Variants in PCBP3 observed in about 807,000 individuals in gnomAD.
PCBP3 encodes the protein poly(rC)-binding protein 3.
A neutral mutation model predicts 52.7 loss-of-function variants in PCBP3; 25 were observed. The observed-to-expected ratio is 0.47, with a 90% CI of 0.35 to 0.66. The LOEUF (loss-of-function observed/expected upper bound fraction) is 0.66. PCBP3 is among the 30% of genes least tolerant of loss of function. The pLI, the probability that PCBP3 is intolerant of heterozygous loss-of-function variation, is 0.01. For missense variants in PCBP3, 391 were observed against 490.3 expected (o/e 0.80, Z 1.91); for synonymous variants, 162 against 183.0 (o/e 0.89, Z 0.93).
Position 45,898,591 on chromosome 21 carries a change from C to G in PCBP3, c.166-1008C>G, listed in dbSNP as rs1290564482. ...CGCCATCCTCACAGCCTCCCTCTCC[C>G]TCCACGGGCCCCTCTACACACCGTC... On this transcript the variant is annotated intron_variant, in intron 6 of 17. Coordinates refer to ENST00000681687, the MANE Select transcript of PCBP3 (RefSeq NM_001384156.1). 2.0e-4 allele frequency among the ~76,000 whole-genome samples: 28 copies of G among 138,426 alleles called. 2 individuals are homozygous for G. The highest frequency in any genetic ancestry group is 7.9e-4 in the East Asian group (3 of 3,790). 90.8% of individuals were successfully genotyped at this position (138,426 alleles called of 152,430 possible).
At chr21:45,882,244 T>C (rs2095421385) in intron 5 of PCBP3, among the ~76,000 whole-genome samples, 1 of 152,216 alleles carries the variant, frequency 6.6e-6, no homozygotes, top group Admixed American at 6.5e-5. Context: ...CGATATCCCA[T>C]TGTGGTTTGA....
chr21:45,872,971 G>A (rs577612200), intron 5 of PCBP3: 2 of 152,282 alleles, frequency 1.3e-5, no homozygotes, highest in East Asian at 3.9e-4. Flanking sequence ...TTTCTGTCTA[G>A]GTAGAAGCTG....
intron 4 of PCBP3, among the ~76,000 whole-genome samples, chr21:45,812,373 A>G (rs750415520): frequency 9.2e-5 from 14 of 152,148 alleles, no homozygotes; most frequent in Non-Finnish European, 2.1e-4. Flanking sequence ...ATCTGGCATC[A>G]TTTTCTTCAG....
chr21:45,677,868 G>A (rs1373367057), intron 2 of PCBP3, among the ~76,000 whole-genome samples: 1 of 152,170 alleles, frequency 6.6e-6, no homozygotes, highest in Non-Finnish European at 1.5e-5. Flanking sequence ...GAGACCTGCT[G>A]CCCAGAAAAA....
intron 5 of PCBP3, among the ~76,000 whole-genome samples, chr21:45,882,371 T>C (rs371753011): frequency 2.2e-4 from 34 of 152,348 alleles, no homozygotes; most frequent in African/African-American, 7.5e-4. Flanking sequence ...TTTTAAAATC[T>C]GGTATTTGTT....
intron 2 of PCBP3, among the ~76,000 whole-genome samples, chr21:45,683,746 G>A (rs892790130): frequency 6.6e-6 from 1 of 151,970 alleles, no homozygotes; most frequent in Admixed American, 6.6e-5. Context: ...CTAACACGAT[G>A]AAACCCGGTC....
intron 3 of PCBP3, among the ~76,000 whole-genome samples, chr21:45,747,500 A>G (rs974674610): frequency 2.6e-5 from 4 of 152,208 alleles, no homozygotes; most frequent in Admixed American, 1.3e-4. Flanking sequence ...TGCTGCAGTG[A>G]CAGTGGGGCG....
chr21:45,914,030 G>A lies in PCBP3; in HGVS notation c.675+5G>A. ...GTCATTTTTGCAGGTGGTCAGGTAA[G>A]AGCCGATCCGCTCGCGGCCTCCACT... On this transcript the variant is annotated splice_donor_5th_base_variant and intron_variant, in intron 12 of 17. Transcript: ENST00000681687. The A allele has an allele frequency of 6.2e-7, 1 of 1,613,578 alleles. No homozygotes were observed. The highest frequency in any genetic ancestry group is 8.5e-7 in the Non-Finnish European group (1 of 1,179,954).
chr21:45,938,117 G>C (rs1486135897), intron 16 of PCBP3, among the ~76,000 whole-genome samples: 4 of 152,216 alleles, frequency 2.6e-5, no homozygotes, highest in Non-Finnish European at 5.9e-5. Context: ...AGAAGACAGG[G>C]GCAGATGGTT....
intron 5 of PCBP3, among the ~76,000 whole-genome samples, chr21:45,877,594 A>G (rs1247244225): frequency 1.3e-5 from 2 of 152,206 alleles, no homozygotes; most frequent in South Asian, 2.1e-4. Flanking sequence ...ACCTGAGGTC[A>G]GGAGTTTGAG....
intron 4 of PCBP3, among the ~76,000 whole-genome samples, chr21:45,770,921 C>T (rs1014281855): frequency 6.6e-6 from 1 of 152,268 alleles, no homozygotes; most frequent in South Asian, 2.1e-4. Flanking sequence ...CTGCCCATGC[C>T]GTCACATGGG....
At position 45,821,980 on chromosome 21, in the gene PCBP3, A is replaced by G. The variant is rs2093153582; in HGVS notation, c.-125-27981A>G. On this transcript the variant is annotated intron_variant, in intron 4 of 17. Transcript: ENST00000681687. The surrounding 1 kb of genome is among the most constrained non-coding windows in gnomAD (Gnocchi z 4.4). The stretch of plus-strand genomic sequence containing the variant: ...TCCTGACAACTTAGCTATTTATCAG[A>G]CCCCAAAATCATGAGCCTTGAGAAA... Among the ~76,000 whole-genome samples the G allele has an allele frequency of 6.6e-6, 1 of 152,080 alleles. No individual in the cohort carries two copies. Among genetic ancestry groups the G allele is most frequent in the Non-Finnish European group, 1.5e-5 (1 of 67,996 alleles).
At chr21:45,778,651 C>T (rs963869915) in intron 4 of PCBP3, among the ~76,000 whole-genome samples, 1 of 152,180 alleles carries the variant, frequency 6.6e-6, no homozygotes, top group Non-Finnish European at 1.5e-5. Flanking sequence ...GACCCAAACT[C>T]AAGCCCCTGG....
At chr21:45,874,577 C>T (rs1416687775) in intron 5 of PCBP3, among the ~76,000 whole-genome samples, 2 of 150,226 alleles carry the variant, frequency 1.3e-5, no homozygotes, top group Non-Finnish European at 2.9e-5. Flanking sequence ...GCGATCTCGG[C>T]TTACTGCAAC....
intron 2 of PCBP3, among the ~76,000 whole-genome samples, chr21:45,711,204 C>A (rs183515318): frequency 2.2e-4 from 33 of 152,216 alleles, no homozygotes; most frequent in Admixed American, 1.8e-3. Context: ...TGCTTTTAGG[C>A]CATTTTAGCT....
intron 4 of PCBP3, among the ~76,000 whole-genome samples, chr21:45,786,480 G>A (rs2146254554): frequency 6.6e-6 from 1 of 152,060 alleles, no homozygotes; most frequent in Non-Finnish European, 1.5e-5. Context: ...TAGTAGAGAT[G>A]GGGTTTCACC....
At chr21:45,881,182 G>C (rs1047294484) in intron 5 of PCBP3, among the ~76,000 whole-genome samples, 1 of 152,172 alleles carries the variant, frequency 6.6e-6, no homozygotes. Context: ...ATATGATTGT[G>C]TGCTTTCTTT....
intron 4 of PCBP3, among the ~76,000 whole-genome samples, chr21:45,786,175 T>C (rs1205620158): frequency 1.3e-5 from 2 of 151,264 alleles, no homozygotes; most frequent in Non-Finnish European, 2.9e-5. Flanking sequence ...AAGTAAAAAG[T>C]TTCCAAAAAA....
rs1382958251 is a variant in PCBP3 at position 45,704,079 on chromosome 21, G to A, written c.-199-31313G>A. ...CAGGATGGAGGCTGGCCCTCTGGCTGATGTCAAGAGGTCAGAAGGGAAGAC... is the reference window on the plus strand; with the variant it reads ...CAGGATGGAGGCTGGCCCTCTGGCTAATGTCAAGAGGTCAGAAGGGAAGAC... On this transcript the variant is annotated intron_variant, in intron 2 of 17. Transcript: ENST00000681687. The surrounding 1 kb of genome is among the most constrained non-coding windows in gnomAD (Gnocchi z 4.1). Among the ~76,000 whole-genome samples, 3 of 152,182 alleles carry A rather than the reference G, an allele frequency of 2.0e-5. No homozygotes were observed. The highest frequency in any genetic ancestry group is 7.2e-5 in the African/African-American group (3 of 41,438).
Sources: allele counts gnomAD v4.1 joint callset (sites outside exome capture counted in the v4.1 genomes callset), GRCh38; gene constraint gnomAD v4.1.1; non-coding constraint Gnocchi (gnomAD v3.1); transcripts MANE v1.5; gene names NCBI Gene and HGNC (gene_info 2026-07-23, HGNC 2026-07-21).